The following SESN1 variants were observed in gnomAD, a reference collection of about 807,000 sequenced individuals.
SESN1 encodes sestrin-1.
A neutral mutation model predicts 59.3 loss-of-function variants in SESN1; 30 were observed. That is an observed-to-expected ratio of 0.51 (90% CI 0.38 to 0.69). SESN1 has a LOEUF of 0.69. SESN1 is among the 30% of genes least tolerant of loss of function. The pLI is 0.00. For synonymous variants in SESN1, 197 were observed against 219.9 expected (o/e 0.90, Z 0.92); for missense variants, 566 against 673.0 (o/e 0.84, Z 1.76).
chr6:109,058,638 A>C (rs1780676996), intron 1 of SESN1, among the ~76,000 whole-genome samples: 1 of 152,192 alleles, frequency 6.6e-6, no homozygotes, highest in South Asian at 2.1e-4. Flanking sequence ...TTCATTTGGC[A>C]CAGAAGTAAA....
rs1021206913 is a variant in SESN1 at position 108,986,452 on chromosome 6, ATTC to A, written c.*1089_*1091del. 35 of 152,778 alleles carry A rather than the reference ATTC, an allele frequency of 2.3e-4. No homozygotes were observed. The highest frequency in any genetic ancestry group is 7.9e-4 in the African/African-American group (33 of 41,582). 9.5% of individuals were successfully genotyped at this position (152,778 alleles called of 1,614,324 possible). A position where few individuals can be genotyped will look rare whatever the true frequency, so the allele number is the denominator to read the frequency against. On this transcript the variant is annotated 3_prime_UTR_variant, in exon 10 of 10. Coordinates refer to ENST00000436639, the MANE Select transcript of SESN1 (RefSeq NM_014454.3). ...AGACAGCAAATAAAATTGGAGAAAA[ATTC>A]TTCTTTATTTAAAAATACCAGTAAT...
At chr6:109,054,133 T>C (rs1780590964) in intron 1 of SESN1, among the ~76,000 whole-genome samples, 2 of 152,252 alleles carry the variant, frequency 1.3e-5, no homozygotes, top group South Asian at 4.1e-4. Flanking sequence ...ATCTAAGTAA[T>C]TGTCAATTTA....
intron 1 of SESN1, among the ~76,000 whole-genome samples, chr6:109,077,669 G>A (rs1430271763): frequency 1.3e-5 from 2 of 152,188 alleles, no homozygotes; most frequent in African/African-American, 4.8e-5. Context: ...GCACTAAGGT[G>A]GCTGCAAGTA....
rs1182383634 is a variant in SESN1 at position 108,992,834 on chromosome 6, T to C, written c.1186A>G (p.Lys396Glu). 6.2e-7 allele frequency: 1 copy of C among 1,613,824 alleles called. No individual in the cohort carries two copies. The highest frequency in any genetic ancestry group is 8.5e-7 in the Non-Finnish European group (1 of 1,179,854). The change falls in exon 7 of 10, where the codon AAA becomes GAA. Residue 396 changes from lysine to glutamate, a missense_variant. By Grantham distance (56) the Lys-to-Glu change is moderately conservative (BLOSUM62 1). Coordinates refer to ENST00000436639, the MANE Select transcript of SESN1 (RefSeq NM_014454.3). Reference protein sequence around the residue: ...RHFEDTSYGYKDFSRHGMHVP... With the variant: ...RHFEDTSYGYEDFSRHGMHVP... ...TGCATCCCATGTCTAGAGAAATCTT[T>C]ATAGCCATAACTAGTATCCTCAAAA...
chr6:109,031,401 C>A (rs564132513), intron 1 of SESN1, among the ~76,000 whole-genome samples: 2 of 152,252 alleles, frequency 1.3e-5, no homozygotes, highest in South Asian at 4.1e-4. Flanking sequence ...CATTCCACCT[C>A]CTCTCCAGCC....
chr6:109,058,075 TATTA>T (rs559411525), intron 1 of SESN1, among the ~76,000 whole-genome samples: 1 of 152,166 alleles, frequency 6.6e-6, no homozygotes, highest in Non-Finnish European at 1.5e-5. Flanking sequence ...TGTTTAGATA[TATTA>T]ATTAATTAAT....
Position 109,023,282 on chromosome 6 carries a change from CAG to C in SESN1, c.280-20941_280-20940del, listed in dbSNP as rs577484291. ...CTGACACTTGAAAACATTCTTCTCT[CAG>C]AGTTTCATTAAGGACACATTATCAT... On this transcript the variant is annotated intron_variant, in intron 1 of 9. Coordinates refer to ENST00000436639, the MANE Select transcript of SESN1 (RefSeq NM_014454.3). 1.2e-4 allele frequency among the ~76,000 whole-genome samples: 19 copies of C among 152,320 alleles called. No homozygotes were observed. In the East Asian group the frequency reaches 3.5e-3, roughly 28 times the overall value.
chr6:109,007,628 G>A (rs1230870828), intron 1 of SESN1, among the ~76,000 whole-genome samples: 1 of 148,492 alleles, frequency 6.7e-6, no homozygotes, highest in Non-Finnish European at 1.5e-5. Context: ...ATTGCCTATA[G>A]CTGGGTGCTG....
chr6:109,014,887 A>G lies in SESN1; in HGVS notation c.280-12544T>C, dbSNP rs144863180. ...GCTGGCTTCTCAAACAAATCACACTAATTTTGTAAGTTACTGATACCTCCT... is the reference window on the plus strand; with the variant it reads ...GCTGGCTTCTCAAACAAATCACACTGATTTTGTAAGTTACTGATACCTCCT... On this transcript the variant is annotated intron_variant, in intron 1 of 9. Coordinates refer to ENST00000436639, the MANE Select transcript of SESN1 (RefSeq NM_014454.3). 5.6e-4 allele frequency among the ~76,000 whole-genome samples: 85 copies of G among 152,308 alleles called. 1 individual carries two copies. The highest frequency in any genetic ancestry group is 9.1e-4 in the Non-Finnish European group (62 of 68,018).
At position 109,040,292 on chromosome 6, in the gene SESN1, C is replaced by T. The variant is rs145262824; in HGVS notation, c.280-37949G>A. Among the ~76,000 whole-genome samples the T allele has an allele frequency of 6.5e-3, 985 of 152,138 alleles. 11 individuals are homozygous for T. The highest frequency in any genetic ancestry group is 0.022 in the African/African-American group (921 of 41,512). The stretch of plus-strand genomic sequence containing the variant: ...CATTCCTTTTTATTATATTTAAATA[C>T]ACCTTTTTGAACAAATTATGCAGAA... On this transcript the variant is annotated intron_variant, in intron 1 of 9. Coordinates refer to ENST00000436639, the MANE Select transcript of SESN1 (RefSeq NM_014454.3).
At chr6:109,044,311 C>CCAAAAAA (rs1780388697) in intron 1 of SESN1, among the ~76,000 whole-genome samples, 1 of 28,472 alleles carries the variant, frequency 3.5e-5, no homozygotes, top group African/African-American at 2.0e-4. Flanking sequence ...GAACTTGCCT[C>CCAAAAAA]AAAAAAAAAA....
chr6:109,013,070 C>G (rs565162563), intron 1 of SESN1, among the ~76,000 whole-genome samples: 1 of 149,950 alleles, frequency 6.7e-6, no homozygotes, highest in Non-Finnish European at 1.5e-5. Context: ...GAGCCAAGAT[C>G]GCACCATTGC....
At chr6:109,009,311 C>A in intron 1 of SESN1, 1 of 1,431,838 alleles carries the variant, frequency 7.0e-7, no homozygotes, top group Non-Finnish European at 9.2e-7. Context: ...GGCCGGGTGC[C>A]CACCCGCCCA....
intron 1 of SESN1, among the ~76,000 whole-genome samples, chr6:109,027,395 T>C (rs2114385114): frequency 6.9e-6 from 1 of 145,856 alleles, no homozygotes; most frequent in Middle Eastern, 3.7e-3. Context: ...GAGAATTGCT[T>C]GAACCAGGGA....
intron 1 of SESN1, among the ~76,000 whole-genome samples, chr6:109,076,837 C>T (rs972153631): frequency 2.6e-5 from 4 of 152,190 alleles, no homozygotes; most frequent in African/African-American, 9.7e-5. Context: ...TCTTTCCTTG[C>T]TCTGAATTAC....
At chr6:109,036,466 G>C (rs1780249488) in intron 1 of SESN1, among the ~76,000 whole-genome samples, 1 of 152,144 alleles carries the variant, frequency 6.6e-6, no homozygotes, top group African/African-American at 2.4e-5. Context: ...CTTGGCTCCA[G>C]GAGAATGAAA....
chr6:109,049,670 T>C (rs56655918), intron 1 of SESN1, among the ~76,000 whole-genome samples: 1 of 150,758 alleles, frequency 6.6e-6, no homozygotes, highest in African/African-American at 2.4e-5. Flanking sequence ...AGTTAAAAAA[T>C]AAAAAATAAA....
intron 1 of SESN1, among the ~76,000 whole-genome samples, chr6:109,046,523 A>G (rs1353448067): frequency 6.8e-6 from 1 of 146,688 alleles, no homozygotes; most frequent in East Asian, 2.0e-4. Flanking sequence ...GGAAGTGAGG[A>G]GTGTCTCTGC....
At chr6:108,999,798 T>C (rs1416718101) in intron 4 of SESN1, 1 of 152,182 alleles carries the variant, frequency 6.6e-6, no homozygotes, top group Non-Finnish European at 1.5e-5. Context: ...TGAAAACTTT[T>C]GTCGACAAAA....
Sources: gnomAD v4.1 joint callset for allele counts (sites outside exome capture counted in the v4.1 genomes callset) on GRCh38, gnomAD v4.1.1 for gene constraint, MANE v1.5 for transcripts, NCBI Gene and HGNC (gene_info 2026-07-23, HGNC 2026-07-21) for gene names.